Variants in CHRM2 observed in about 807,000 individuals in gnomAD.
CHRM2 encodes muscarinic acetylcholine receptor M2.
A neutral mutation model predicts 25.0 loss-of-function variants in CHRM2; 8 were observed. That is an observed-to-expected ratio of 0.32 (90% confidence interval 0.19 to 0.58). The LOEUF is 0.58. Among genes scored for constraint, CHRM2 ranks in the 20% least tolerant of loss-of-function variants. CHRM2 has a pLI of 0.88. For synonymous variants in CHRM2, 202 were observed against 205.7 expected (o/e 0.98, Z 0.15); for missense variants, 440 against 567.1 (o/e 0.78, Z 2.28).
intron 2 of CHRM2, among the ~76,000 whole-genome samples, chr7:136,958,705 C>T (rs1479546663): frequency 6.6e-6 from 1 of 152,110 alleles, no homozygotes; most frequent in Non-Finnish European, 1.5e-5. Context: ...CATCCACCTG[C>T]CTCAGCCTCC....
chr7:137,002,827 T>A (rs2131073181), intron 3 of CHRM2, among the ~76,000 whole-genome samples: 1 of 152,324 alleles, frequency 6.6e-6, no homozygotes, highest in Admixed American at 6.5e-5. Context: ...ATGCTCTACT[T>A]GTTGATTAGA....
At chr7:136,893,107 A>G (rs1262294971) in intron 2 of CHRM2, among the ~76,000 whole-genome samples, 1 of 151,808 alleles carries the variant, frequency 6.6e-6, no homozygotes, top group Non-Finnish European at 1.5e-5. Context: ...TCGCTTCTTA[A>G]GGCTGCCATT....
intron 2 of CHRM2, among the ~76,000 whole-genome samples, chr7:136,918,818 G>C (rs1798262932): frequency 6.6e-6 from 1 of 152,030 alleles, no homozygotes; most frequent in Non-Finnish European, 1.5e-5. Flanking sequence ...TATTTTAATA[G>C]AGACTGGGTT....
At chr7:136,892,020 C>G (rs1415621632) in intron 2 of CHRM2, among the ~76,000 whole-genome samples, 1 of 152,094 alleles carries the variant, frequency 6.6e-6, no homozygotes, top group East Asian at 1.9e-4. Flanking sequence ...CTAATTTACC[C>G]CTGGGGCCTA....
chr7:136,999,142 C>T (rs1584901368), intron 3 of CHRM2, among the ~76,000 whole-genome samples: 1 of 152,066 alleles, frequency 6.6e-6, no homozygotes, highest in South Asian at 2.1e-4. Context: ...TTGCTGTTCA[C>T]TATATAGCCT....
chr7:136,916,903 C>A (rs555545628), intron 2 of CHRM2, among the ~76,000 whole-genome samples: 1 of 151,176 alleles, frequency 6.6e-6, no homozygotes. Flanking sequence ...CTTTAGTTAT[C>A]GAGAAACTTA....
chr7:136,924,022 CAAT>C (rs774681201), intron 2 of CHRM2, among the ~76,000 whole-genome samples: 2 of 151,982 alleles, frequency 1.3e-5, no homozygotes, highest in Non-Finnish European at 2.9e-5. Context: ...CTAAAAATAA[CAAT>C]AAGTAAATAA....
chr7:137,011,337 A>G (rs1218334262), intron 3 of CHRM2, among the ~76,000 whole-genome samples: 1 of 151,640 alleles, frequency 6.6e-6, no homozygotes, highest in African/African-American at 2.4e-5. Context: ...GGCTAAGTCC[A>G]AAGGCCTCAG....
chr7:136,958,392 CTTCTTACATCTATTGTAA>C (rs1387430697), intron 2 of CHRM2, among the ~76,000 whole-genome samples: 9 of 149,576 alleles, frequency 6.0e-5, no homozygotes, highest in Non-Finnish European at 7.4e-5. Context: ...TTCTATTGTA[CTTCTTACATCTATTGTAA>C]TTCTTACATC....
At chr7:136,971,997 T>C (rs1277519154) in intron 2 of CHRM2, among the ~76,000 whole-genome samples, 1 of 152,222 alleles carries the variant, frequency 6.6e-6, no homozygotes, top group East Asian at 1.9e-4. Context: ...CTTTGTTTAC[T>C]TGATTCCATA....
chr7:136,884,670 G>T (rs539572034), intron 2 of CHRM2, among the ~76,000 whole-genome samples: 2 of 152,250 alleles, frequency 1.3e-5, no homozygotes, highest in African/African-American at 4.8e-5. Flanking sequence ...CACTGGGAAT[G>T]TGATGTCCTC....
intron 2 of CHRM2, among the ~76,000 whole-genome samples, chr7:136,878,487 T>C (rs1410255854): frequency 6.6e-6 from 1 of 151,914 alleles, no homozygotes. Flanking sequence ...TTTTGCTTTA[T>C]TTTAAAATAA....
At chr7:136,993,688 T>G (rs987196379) in intron 3 of CHRM2, among the ~76,000 whole-genome samples, 18 of 152,162 alleles carry the variant, frequency 1.2e-4, no homozygotes, top group African/African-American at 4.3e-4. Flanking sequence ...AGTTCTGACC[T>G]TATCTCTTTA....
intron 2 of CHRM2, among the ~76,000 whole-genome samples, chr7:136,882,284 A>G (rs528595764): frequency 1.3e-5 from 2 of 152,138 alleles, no homozygotes; most frequent in African/African-American, 4.8e-5. Context: ...ACTCCTTTAT[A>G]CAACAAAATT....
intron 2 of CHRM2, among the ~76,000 whole-genome samples, chr7:136,876,566 T>C (rs1333052604): frequency 6.6e-6 from 1 of 152,090 alleles, no homozygotes; most frequent in Admixed American, 6.6e-5. Context: ...TCAAAGAAAC[T>C]GTAGGCAACT....
intron 2 of CHRM2, among the ~76,000 whole-genome samples, chr7:136,981,750 G>A (rs549816588): frequency 3.9e-4 from 60 of 152,256 alleles, no homozygotes; most frequent in Non-Finnish European, 7.8e-4. Context: ...CCATGTAGTC[G>A]TGTGGTTTTG....
chr7:137,008,746 C>T (rs903159351), intron 3 of CHRM2, among the ~76,000 whole-genome samples: 3 of 152,094 alleles, frequency 2.0e-5, no homozygotes, highest in Non-Finnish European at 2.9e-5. Flanking sequence ...GTGAATTCCT[C>T]TTCATTTCCA....
intron 3 of CHRM2, among the ~76,000 whole-genome samples, chr7:137,000,406 G>A (rs575998400): frequency 1.3e-5 from 2 of 150,732 alleles, no homozygotes; most frequent in Non-Finnish European, 3.0e-5. Context: ...TGCCATGTTG[G>A]CCAGGCTGGT....
intron 2 of CHRM2, among the ~76,000 whole-genome samples, chr7:136,971,617 A>G (rs1464952781): frequency 1.1e-5 from 1 of 91,170 alleles, no homozygotes; most frequent in South Asian, 3.7e-4. Context: ...ACTCTGTTTC[A>G]CAAAAAAAAA....
Sources: gnomAD v4.1 joint callset for allele counts (sites outside exome capture counted in the v4.1 genomes callset) on GRCh38, gnomAD v4.1.1 for gene constraint, MANE v1.5 for transcripts, NCBI Gene and HGNC (gene_info 2026-07-23, HGNC 2026-07-21) for gene names.